Variants in ACER3 observed in about 807,000 individuals in gnomAD.
ACER3 encodes alkaline ceramidase 3, also known as alkCDase 3.
In ACER3, 16 loss-of-function variants were observed where a neutral mutation model predicts 48.9. The ratio of observed to expected loss-of-function variants is 0.33; its 90% CI spans 0.22 to 0.50. The LOEUF is 0.50. ACER3 is among the 20% of genes least tolerant of loss of function. ACER3 has a pLI of 0.98. For missense variants in ACER3, 227 were observed against 326.0 expected, an observed-to-expected ratio of 0.70 and a Z score of 2.34; for synonymous variants, 109 against 107.8, an observed-to-expected ratio of 1.01 and a Z score of -0.07.
At chr11:76,893,121 C>T (rs1945848836) in intron 1 of ACER3, among the ~76,000 whole-genome samples, 1 of 152,166 alleles carries the variant, frequency 6.6e-6, no homozygotes, top group African/African-American at 2.4e-5. Flanking sequence ...GTGAGGAATA[C>T]TACAGAATGC....
At chr11:76,960,371 T>C (rs1307441355) in intron 3 of ACER3, among the ~76,000 whole-genome samples, 1 of 151,974 alleles carries the variant, frequency 6.6e-6, no homozygotes, top group Non-Finnish European at 1.5e-5. Context: ...ATCACGCCAC[T>C]GCACTCCAGC....
chr11:76,934,224 G>C (rs1947106675), intron 2 of ACER3, among the ~76,000 whole-genome samples: 1 of 151,232 alleles, frequency 6.6e-6, no homozygotes, highest in African/African-American at 2.4e-5. Flanking sequence ...AGGCAGAGGG[G>C]CTCCTCACGT....
At chr11:76,984,891 G>A (rs1948656699) in intron 4 of ACER3, among the ~76,000 whole-genome samples, 1 of 152,134 alleles carries the variant, frequency 6.6e-6, no homozygotes, top group African/African-American at 2.4e-5. Context: ...TTGTAAGGAT[G>A]TGAGGAAATT....
intron 3 of ACER3, among the ~76,000 whole-genome samples, chr11:76,969,801 G>T (rs11237045): frequency 0.56 from 60,666 of 107,968 alleles, 18,589 homozygotes; most frequent in Non-Finnish European, 0.7. Flanking sequence ...GTTGTGGGGT[G>T]GGGGGAGGGG....
chr11:76,886,196 A>G (rs78849586), intron 1 of ACER3, among the ~76,000 whole-genome samples: 2,550 of 152,224 alleles, frequency 0.017, 65 homozygotes, highest in African/African-American at 0.055. Flanking sequence ...AATCTGGGGT[A>G]ATGATGTTCC....
intron 1 of ACER3, among the ~76,000 whole-genome samples, chr11:76,864,725 A>G (rs1232027748): frequency 6.8e-6 from 1 of 148,048 alleles, no homozygotes; most frequent in East Asian, 2.0e-4. Context: ...TCAGCCTCCC[A>G]AGTAGCTGGG....
At chr11:76,927,157 G>A (rs1188171002) in intron 2 of ACER3, among the ~76,000 whole-genome samples, 1 of 152,108 alleles carries the variant, frequency 6.6e-6, no homozygotes, top group East Asian at 1.9e-4. Flanking sequence ...AGTATACATA[G>A]TATGGTTTTG....
At chr11:76,928,256 C>A (rs1475561484) in intron 2 of ACER3, among the ~76,000 whole-genome samples, 2 of 152,096 alleles carry the variant, frequency 1.3e-5, no homozygotes, top group Admixed American at 6.5e-5. Context: ...GCATAAATGT[C>A]TTTTTTTGAG....
At chr11:76,963,762 A>T (rs1225522209) in intron 3 of ACER3, among the ~76,000 whole-genome samples, 1 of 151,422 alleles carries the variant, frequency 6.6e-6, no homozygotes, top group Non-Finnish European at 1.5e-5. Flanking sequence ...TTTCCTTGTC[A>T]TGTGATGCTA....
chr11:76,913,578 A>G (rs1229083701), intron 1 of ACER3, among the ~76,000 whole-genome samples: 1 of 152,176 alleles, frequency 6.6e-6, no homozygotes, highest in African/African-American at 2.4e-5. Flanking sequence ...AGAACATTCC[A>G]TGCTCATGGG....
chr11:76,924,858 C>T (rs1447475628), intron 1 of ACER3, among the ~76,000 whole-genome samples: 1 of 151,446 alleles, frequency 6.6e-6, no homozygotes, highest in Non-Finnish European at 1.5e-5. Context: ...CACCTGTGTT[C>T]CCAGCTACTC....
At chr11:76,941,295 G>A (rs937062428) in intron 2 of ACER3, among the ~76,000 whole-genome samples, 6 of 152,088 alleles carry the variant, frequency 3.9e-5, no homozygotes, top group South Asian at 2.1e-4. Flanking sequence ...TTCAGAAACA[G>A]ACAATAATTT....
chr11:76,937,041 A>G (rs1947207043), intron 2 of ACER3, among the ~76,000 whole-genome samples: 1 of 152,214 alleles, frequency 6.6e-6, no homozygotes, highest in Admixed American at 6.5e-5. Context: ...TTGAATTATA[A>G]AAAGATGAAA....
chr11:76,935,458 T>C (rs557062714), intron 2 of ACER3, among the ~76,000 whole-genome samples: 1 of 152,188 alleles, frequency 6.6e-6, no homozygotes, highest in Non-Finnish European at 1.5e-5. Context: ...ACTATTGGAT[T>C]GTAAAAATGA....
chr11:76,910,212 T>C (rs1275066659), intron 1 of ACER3, among the ~76,000 whole-genome samples: 1 of 152,090 alleles, frequency 6.6e-6, no homozygotes, highest in Non-Finnish European at 1.5e-5. Context: ...CCATGGCACA[T>C]GTATAACTAT....
At chr11:76,979,799 T>C (rs1428606228) in intron 4 of ACER3, among the ~76,000 whole-genome samples, 1 of 151,318 alleles carries the variant, frequency 6.6e-6, no homozygotes, top group African/African-American at 2.4e-5. Flanking sequence ...ACAGATAATA[T>C]GTAAATAAAT....
At chr11:76,996,602 TA>T (rs1391029771) in intron 6 of ACER3, among the ~76,000 whole-genome samples, 1 of 151,850 alleles carries the variant, frequency 6.6e-6, no homozygotes, top group Non-Finnish European at 1.5e-5. Context: ...TATTTTTTAG[TA>T]AAGATGGGGT....
At position 76,868,387 on chromosome 11, in the gene ACER3, CTCTCTGTGTGTGTGTGTGTGTGTG is replaced by C. The variant is rs1945155025; in HGVS notation, c.103+7310_103+7333del. 32 of 416,386 alleles carry C rather than the reference CTCTCTGTGTGTGTGTGTGTGTGTG, an allele frequency of 7.7e-5. 2 individuals are homozygous for C. Among genetic ancestry groups the C allele is most frequent in the South Asian group, 7.3e-4 (30 of 41,268 alleles). The allele number at this position is 416,386 out of a possible 1,614,324, so 25.8% of individuals were successfully genotyped here. On this transcript the variant is annotated intron_variant, in intron 1 of 10. Transcript: ENST00000532485. ...GTTTAGTTTTAATATCTCTCTCTCT[CTCTCTGTGTGTGTGTGTGTGTGTG>C]TGTGTGTGTGTGTGTGTGTGTATAG...
intron 9 of ACER3, among the ~76,000 whole-genome samples, chr11:77,017,347 G>T (rs987443313): frequency 6.6e-6 from 1 of 152,008 alleles, no homozygotes; most frequent in African/African-American, 2.4e-5. Flanking sequence ...ACAATTATAT[G>T]CCAACCAATT....
Sources: gnomAD v4.1 joint callset for allele counts (sites outside exome capture counted in the v4.1 genomes callset) on GRCh38, gnomAD v4.1.1 for gene constraint, MANE v1.5 for transcripts, NCBI Gene and HGNC (gene_info 2026-07-23, HGNC 2026-07-21) for gene names.